Variants in MYO5C observed in about 807,000 individuals in gnomAD.
MYO5C encodes the protein unconventional myosin-Vc.
In MYO5C, 194 loss-of-function variants were observed where a neutral mutation model predicts 235.7. That is an observed-to-expected ratio of 0.82 (90% CI 0.73 to 0.93). MYO5C has a LOEUF of 0.93. MYO5C is among the 40% of genes least tolerant of loss of function. MYO5C has a pLI of 0.00. For missense variants in MYO5C, 2,038 were observed against 2,127.2 expected (o/e 0.96, Z 0.82); for synonymous variants, 707 against 754.8 (o/e 0.94, Z 1.04).
chr15:52,246,955 A>G lies in MYO5C; in HGVS notation c.1941T>C (p.Val647=), dbSNP rs775970089. Residue 647 remains valine, a synonymous_variant, in exon 16 of 41, where the codon GTT becomes GTC. Coordinates refer to ENST00000261839, the MANE Select transcript of MYO5C (RefSeq NM_018728.4). The stretch of plus-strand genomic sequence containing the variant: ...TCTCATCATTTGGCTTGATGCATCG[A>G]ACGTAGTGGGGCGTCGTCGCATTGA... ...ETLNATTPHY[V]RCIKPNDEKL... The G allele has an allele frequency of 6.2e-7, 1 of 1,614,110 alleles. No individual in the cohort carries two copies.
intron 24 of MYO5C, among the ~76,000 whole-genome samples, chr15:52,230,984 C>T (rs1303253970): frequency 2.0e-5 from 3 of 152,038 alleles, no homozygotes; most frequent in Non-Finnish European, 4.4e-5. Flanking sequence ...TCTGCCACCA[C>T]GCCCAGCCAA....
intron 25 of MYO5C, among the ~76,000 whole-genome samples, chr15:52,227,132 A>G (rs2035841313): frequency 6.6e-6 from 1 of 151,646 alleles, no homozygotes; most frequent in African/African-American, 2.4e-5. Context: ...CCTGGGTGAC[A>G]AGAGCAAAAC....
At chr15:52,226,824 T>G (rs1391644575) in intron 25 of MYO5C, among the ~76,000 whole-genome samples, 1 of 152,192 alleles carries the variant, frequency 6.6e-6, no homozygotes, top group Admixed American at 6.5e-5. Flanking sequence ...ATAACACATA[T>G]AACTTGATGA....
chr15:52,279,409 ACT>A, intron 3 of MYO5C, 98 bp downstream of exon 3: 1 of 1,253,224 alleles, frequency 8.0e-7, no homozygotes, highest in Non-Finnish European at 1.1e-6. Flanking sequence ...TTTACAACAA[ACT>A]CTGGGTGCTC....
At chr15:52,263,120 T>C (rs949365868) in intron 9 of MYO5C, among the ~76,000 whole-genome samples, 2 of 152,010 alleles carry the variant, frequency 1.3e-5, no homozygotes, top group Non-Finnish European at 2.9e-5. Context: ...TCTAGAACGG[T>C]GAGGAAACAA....
intron 20 of MYO5C, among the ~76,000 whole-genome samples, chr15:52,241,798 T>C (rs978290974): frequency 9.9e-5 from 15 of 151,210 alleles, no homozygotes; most frequent in Non-Finnish European, 1.9e-4. Context: ...CAGGCTGGAG[T>C]GTACTGGCAT....
intron 32 of MYO5C, 29 bp downstream of exon 32, chr15:52,218,490 C>A: frequency 6.2e-7 from 1 of 1,610,528 alleles, no homozygotes; most frequent in South Asian, 1.1e-5. Context: ...CACAGACAGT[C>A]TTTATCACCA....
At chr15:52,264,128 C>G in intron 9 of MYO5C, 62 bp downstream of exon 9, 1 of 1,305,778 alleles carries the variant, frequency 7.7e-7, no homozygotes, top group Non-Finnish European at 1.1e-6. Flanking sequence ...GGCAGGTCAG[C>G]TGCGAGCCAG....
Position 52,223,668 on chromosome 15 carries a change from G to A in MYO5C, c.3503C>T (p.Ala1168Val), listed in dbSNP as rs749738365. Residue 1168 changes from alanine to valine, a missense_variant, in exon 29 of 41, where the codon GCT (alanine) becomes GTT (valine). Transcript: ENST00000261839. ...QKDCYEKEIE[A>V]LNFKVVHLSQ... ...GAGATGCACCACTTTGAAGTTCAAA[G>A]CTTCAATCTCCTTTTCATAGCAATC... The A allele has an allele frequency of 4.3e-6, 7 of 1,614,110 alleles. No homozygotes were observed. Among genetic ancestry groups the A allele is most frequent in the Non-Finnish European group, 5.9e-6 (7 of 1,180,002 alleles).
intron 1 of MYO5C, among the ~76,000 whole-genome samples, chr15:52,294,763 G>T (rs537318239): frequency 6.4e-4 from 97 of 152,220 alleles, no homozygotes; most frequent in Non-Finnish European, 4.9e-4. Context: ...ATCTCAGAGG[G>T]TTTGGGACAT....
chr15:52,208,472 G>A (rs897704047), intron 36 of MYO5C, 82 bp downstream of exon 36: 4 of 1,262,090 alleles, frequency 3.2e-6, no homozygotes, highest in Non-Finnish European at 4.6e-6. Context: ...GGAGAGGATA[G>A]AGGCTCTATT....
At chr15:52,272,349 C>CA (rs113239941) in intron 6 of MYO5C, among the ~76,000 whole-genome samples, 178 of 152,254 alleles carry the variant, frequency 1.2e-3, no homozygotes, top group African/African-American at 4.1e-3. Flanking sequence ...GTAAATCCCC[C>CA]AAATTAAAAA....
rs1379405626 is a variant in MYO5C at position 52,223,745 on chromosome 15, A to G, written c.3447-21T>C. 4 of 1,604,432 alleles carry G rather than the reference A, an allele frequency of 2.5e-6. No individual in the cohort carries two copies. In the South Asian group the frequency reaches 4.5e-5, roughly 18 times the overall value. ...AAACACTATTAAAGGAGGGGTCAAGAAATAAACCACATGGCCTTTGTTCTG... is the reference window on the plus strand; with the variant it reads ...AAACACTATTAAAGGAGGGGTCAAGGAATAAACCACATGGCCTTTGTTCTG... On this transcript the variant is annotated intron_variant, in intron 28 of 40. Coordinates refer to ENST00000261839, the MANE Select transcript of MYO5C (RefSeq NM_018728.4).
intron 1 of MYO5C, among the ~76,000 whole-genome samples, chr15:52,288,219 G>C (rs1444263314): frequency 6.6e-6 from 1 of 152,194 alleles, no homozygotes; most frequent in Non-Finnish European, 1.5e-5. Context: ...GACTCCAGCA[G>C]AGCTAGGGCC....
Position 52,260,925 on chromosome 15 carries a change from A to G in MYO5C, c.1250T>C (p.Ile417Thr). The change falls in exon 10 of 41, where the codon ATT (isoleucine) becomes ACT (threonine). Residue 417 changes from isoleucine (I) to threonine (T), a missense_variant. Ile to Thr is a moderately conservative substitution (Grantham distance 89). Coordinates refer to ENST00000261839, the MANE Select transcript of MYO5C (RefSeq NM_018728.4). The part of the protein sequence containing the change: ...AHLFDFIVER[I>T]NQALQFSGKQ... ...GCCTGAAAACTGCAACGCTTGGTTA[A>G]TTCTCTCCACAATGAAGTCGAACAG... The G allele has an allele frequency of 6.2e-7, 1 of 1,614,210 alleles. No homozygotes were observed. The highest frequency in any genetic ancestry group is 1.7e-5 in the Admixed American group (1 of 60,032).
chr15:52,265,989 A>G (rs557890140), intron 8 of MYO5C, among the ~76,000 whole-genome samples: 9 of 152,320 alleles, frequency 5.9e-5, no homozygotes, highest in African/African-American at 2.2e-4. Flanking sequence ...TCCAACAGAA[A>G]TATACCCCAG....
Position 52,264,177 on chromosome 15 carries a change from A to G in MYO5C, c.1047+13T>C, listed in dbSNP as rs753011438. The G allele has an allele frequency of 1.3e-6, 2 of 1,588,150 alleles. No homozygotes were observed. The highest frequency in any genetic ancestry group is 3.4e-5 in the Admixed American group (2 of 59,328). ...CTTAGACAAAGGAAAAGTAAAACAA[A>G]TGAGCATCTCACACTAACTGAGGAC... On this transcript the variant is annotated intron_variant, in intron 9 of 40. Transcript: ENST00000261839.
chr15:52,289,540 T>C (rs2037344968), intron 1 of MYO5C, among the ~76,000 whole-genome samples: 1 of 152,138 alleles, frequency 6.6e-6, no homozygotes, highest in Admixed American at 6.5e-5. Context: ...AAAGACTGCC[T>C]TTTAAAAGCC....
rs1418942911 is a variant in MYO5C at position 52,221,266 on chromosome 15, G to T, written c.3628-11C>A. 3.2e-6 allele frequency: 5 copies of T among 1,555,316 alleles called. No homozygotes were observed. Among genetic ancestry groups the T allele is most frequent in the South Asian group, 1.2e-5 (1 of 85,164 alleles). Reference sequence around the variant, plus strand: ...AAAGTCTGGGATCATCTTTAGAGAAGAATTAGAAATATTAGAATATAAAAT... The same window carrying T: ...AAAGTCTGGGATCATCTTTAGAGAATAATTAGAAATATTAGAATATAAAAT... On this transcript the variant is annotated splice_polypyrimidine_tract_variant and intron_variant, in intron 29 of 40. Coordinates refer to ENST00000261839, the MANE Select transcript of MYO5C (RefSeq NM_018728.4).
Sources: gnomAD v4.1 joint callset for allele counts (sites outside exome capture counted in the v4.1 genomes callset) on GRCh38, gnomAD v4.1.1 for gene constraint, MANE v1.5 for transcripts, NCBI Gene and HGNC (gene_info 2026-07-23, HGNC 2026-07-21) for gene names.